Variants in PKP4 observed in about 807,000 individuals in gnomAD.
PKP4 encodes the protein plakophilin-4.
A neutral mutation model predicts 145.1 loss-of-function variants in PKP4; 90 were observed. That is an observed-to-expected ratio of 0.62 (90% confidence interval 0.52 to 0.74). The LOEUF is 0.74. Among genes scored for constraint, PKP4 ranks in the 30% least tolerant of loss-of-function variants. The pLI, the probability that PKP4 is intolerant of heterozygous loss-of-function variation, is 0.00. For missense variants in PKP4, 1,340 were observed against 1,482.7 expected (o/e 0.90, Z 1.58); for synonymous variants, 563 against 577.2 (o/e 0.98, Z 0.35).
rs532890693 is a variant in PKP4 at position 158,639,328 on chromosome 2, G to A, written c.1563-1299G>A. Among the ~76,000 whole-genome samples the A allele has an allele frequency of 1.3e-3, 197 of 151,902 alleles. 1 individual carries two copies. The highest frequency in any genetic ancestry group is 4.6e-3 in the African/African-American group (190 of 41,444). ...CTAACTGAACGCATGAGGGGTGTGT[G>A]TGTGTGTGTGTGTGCGTGCGTGTGT... On this transcript the variant is annotated intron_variant, in intron 9 of 21. Transcript: ENST00000389759.
chr2:158,598,478 C>T (rs565109156), intron 3 of PKP4, among the ~76,000 whole-genome samples: 1 of 152,254 alleles, frequency 6.6e-6, no homozygotes, highest in South Asian at 2.1e-4. Flanking sequence ...TAAAAATATT[C>T]CTGTTATTGC....
chr2:158,460,985 C>T (rs796923419), intron 1 of PKP4, among the ~76,000 whole-genome samples: 20 of 152,238 alleles, frequency 1.3e-4, no homozygotes, highest in African/African-American at 4.6e-4. Flanking sequence ...TTTTAAGATA[C>T]GTGGATGTAA....
chr2:158,467,133 A>G (rs1690749269), intron 1 of PKP4, among the ~76,000 whole-genome samples: 1 of 152,314 alleles, frequency 6.6e-6, no homozygotes, highest in Admixed American at 6.5e-5. Context: ...AGATAGAAAT[A>G]TTCTTATACA....
Position 158,661,332 on chromosome 2 carries a change from G to C in PKP4, c.2094-1G>C, listed in dbSNP as rs2056561380. The C allele has an allele frequency of 6.2e-7, 1 of 1,611,450 alleles. No homozygotes were observed. The highest frequency in any genetic ancestry group is 8.5e-7 in the Non-Finnish European group (1 of 1,178,020). On this transcript the variant is annotated splice_acceptor_variant, in intron 12 of 21. Coordinates refer to ENST00000389759, the MANE Select transcript of PKP4 (RefSeq NM_003628.6). LOFTEE classifies it high-confidence loss of function. ...AGCTCCTCCTGTCTCCACCCCTTTA[G>C]GAACCTCAGCTCCGCGGGGGAAGAA...
intron 3 of PKP4, among the ~76,000 whole-genome samples, chr2:158,580,760 C>T (rs1194896023): frequency 6.6e-6 from 1 of 152,186 alleles, no homozygotes; most frequent in Non-Finnish European, 1.5e-5. Flanking sequence ...AATTGATCTA[C>T]TTGGATTGCC....
chr2:158,499,743 T>A (rs55905929), intron 1 of PKP4, among the ~76,000 whole-genome samples: 29,910 of 152,112 alleles, frequency 0.2, 3,783 homozygotes, highest in Middle Eastern at 0.35. Context: ...ATGAGGTCAA[T>A]TATTCCTGAA....
intron 1 of PKP4, among the ~76,000 whole-genome samples, chr2:158,500,079 A>G (rs1696325455): frequency 6.6e-6 from 1 of 152,230 alleles, no homozygotes; most frequent in African/African-American, 2.4e-5. Context: ...GACAGTATAT[A>G]AGGTAATTTA....
intron 4 of PKP4, among the ~76,000 whole-genome samples, chr2:158,604,818 C>T (rs1200711591): frequency 6.6e-6 from 1 of 152,054 alleles, no homozygotes; most frequent in Non-Finnish European, 1.5e-5. Flanking sequence ...TCTGTTAAAC[C>T]GATAGGTCCA....
chr2:158,671,948 G>A (rs911725763), intron 17 of PKP4, among the ~76,000 whole-genome samples: 9 of 152,182 alleles, frequency 5.9e-5, no homozygotes, highest in Admixed American at 2.6e-4. Context: ...AGAGCATTTC[G>A]GTTAGAGGGG....
intron 13 of PKP4, 50 bp downstream of exon 13, chr2:158,661,500 G>A: frequency 8.7e-7 from 1 of 1,151,274 alleles, no homozygotes; most frequent in African/African-American, 1.5e-5. Context: ...TGACCATGAT[G>A]CCTGGTGCCA....
chr2:158,611,138 C>G (rs928677795), intron 4 of PKP4, among the ~76,000 whole-genome samples: 12 of 152,096 alleles, frequency 7.9e-5, no homozygotes, highest in Non-Finnish European at 1.2e-4. Context: ...AGTAACAATT[C>G]TGTGCAGTTA....
At chr2:158,497,983 A>G (rs761352553) in intron 1 of PKP4, among the ~76,000 whole-genome samples, 1 of 152,136 alleles carries the variant, frequency 6.6e-6, no homozygotes, top group Non-Finnish European at 1.5e-5. Flanking sequence ...GAGCTTAGAT[A>G]TGGAGTGTGG....
intron 1 of PKP4, among the ~76,000 whole-genome samples, chr2:158,499,730 G>C (rs1488126194): frequency 2.6e-5 from 4 of 152,122 alleles, no homozygotes; most frequent in Non-Finnish European, 5.9e-5. Context: ...CACTCGGTTA[G>C]AAATGAGGTC....
At chr2:158,673,793 G>A (rs2057772488) in intron 18 of PKP4, 32 bp downstream of exon 18, 6 of 1,484,148 alleles carry the variant, frequency 4.0e-6, no homozygotes, top group East Asian at 2.3e-5. Context: ...GGCATAATTA[G>A]CATTCATCAG....
At chr2:158,626,653 T>G (rs1039891066) in intron 7 of PKP4, among the ~76,000 whole-genome samples, 1 of 152,110 alleles carries the variant, frequency 6.6e-6, no homozygotes, top group Non-Finnish European at 1.5e-5. Context: ...TGTCTATACC[T>G]TGTCTACACT....
intron 2 of PKP4, among the ~76,000 whole-genome samples, chr2:158,572,213 CAT>C (rs1349565551): frequency 1.1e-4 from 16 of 152,070 alleles, no homozygotes; most frequent in African/African-American, 3.9e-4. Context: ...AAACAAGACA[CAT>C]AGAGAAATAG....
intron 3 of PKP4, among the ~76,000 whole-genome samples, chr2:158,584,549 C>T (rs183173762): frequency 5.0e-4 from 76 of 152,322 alleles, no homozygotes; most frequent in Non-Finnish European, 7.3e-4. Context: ...AGGCCAGGCA[C>T]AGTGGCTCAT....
chr2:158,533,340 C>T (rs773138836), intron 2 of PKP4, 24 bp downstream of exon 2: 2 of 1,612,826 alleles, frequency 1.2e-6, no homozygotes, highest in Non-Finnish European at 1.7e-6. Flanking sequence ...TTGAAAGTTG[C>T]AGTGAATTAT....
At chr2:158,594,481 G>A (rs2049550223) in intron 3 of PKP4, among the ~76,000 whole-genome samples, 1 of 152,220 alleles carries the variant, frequency 6.6e-6, no homozygotes, top group East Asian at 1.9e-4. Flanking sequence ...ACTTTTCCTG[G>A]CTGCTGAGAT....
Sources: allele counts gnomAD v4.1 joint callset (sites outside exome capture counted in the v4.1 genomes callset), GRCh38; gene constraint gnomAD v4.1.1; transcripts MANE v1.5; gene names NCBI Gene and HGNC (gene_info 2026-07-23, HGNC 2026-07-21).